CNKSR2: variants seen among roughly 807,000 people sequenced by gnomAD.
The protein encoded by CNKSR2 is connector enhancer of kinase suppressor of Ras 2, also known as CNK homolog protein 2.
CNKSR2 carries 14 observed loss-of-function variants against 84.4 expected under a neutral mutation model. That is an observed-to-expected ratio of 0.17 (90% CI 0.11 to 0.26). The LOEUF (loss-of-function observed/expected upper bound fraction) is 0.26, where lower values mean the gene tolerates loss of function less well. Among genes scored for constraint, CNKSR2 ranks in the 10% least tolerant of loss-of-function variants. The pLI is 1.00. For missense variants in CNKSR2, 485 were observed against 771.2 expected (o/e 0.63, Z 4.40); for synonymous variants, 275 against 277.9 (o/e 0.99, Z 0.10).
chrX:21,630,676 T>C (rs979035124), intron 20 of CNKSR2, among the ~76,000 whole-genome samples: 7 of 107,964 alleles, frequency 6.5e-5, no homozygotes, highest in Non-Finnish European at 1.1e-4. Flanking sequence ...AGCAAAATAT[T>C]TTTCACTATA....
intron 4 of CNKSR2, among the ~76,000 whole-genome samples, chrX:21,455,843 T>C (rs1008647268): frequency 1.8e-5 from 2 of 112,283 alleles, no homozygotes; most frequent in African/African-American, 6.5e-5. Flanking sequence ...TGCATAAATC[T>C]GGTTCTCAGC....
At chrX:21,538,801 C>T (rs760063506) in intron 11 of CNKSR2, 1 of 112,540 alleles carries the variant, frequency 8.9e-6, no homozygotes, top group Non-Finnish European at 1.9e-5. Flanking sequence ...GGCTGAAGAA[C>T]CTGGAGTCTG....
intron 10 of CNKSR2, among the ~76,000 whole-genome samples, chrX:21,528,972 G>A (rs774716307): frequency 2.7e-5 from 3 of 110,652 alleles, no homozygotes; most frequent in African/African-American, 9.8e-5. Flanking sequence ...TACAGCCTTG[G>A]CACTTTTTTC....
At chrX:21,629,142 C>T (rs1463094086) in intron 20 of CNKSR2, among the ~76,000 whole-genome samples, 1 of 112,269 alleles carries the variant, frequency 8.9e-6, no homozygotes, top group Non-Finnish European at 1.9e-5. Flanking sequence ...ATAAGAGTCA[C>T]CTTTGCTCCA....
chrX:21,589,258 G>A (rs776396189), intron 13 of CNKSR2, among the ~76,000 whole-genome samples: 4 of 111,929 alleles, frequency 3.6e-5, no homozygotes, highest in African/African-American at 9.7e-5. Context: ...ATACACATCC[G>A]TAGTACTATG....
intron 1 of CNKSR2, among the ~76,000 whole-genome samples, chrX:21,385,098 T>A (rs2089950045): frequency 9.0e-6 from 1 of 111,535 alleles, no homozygotes. Flanking sequence ...CTTTTAAAAT[T>A]TTTTTCTGAA....
intron 13 of CNKSR2, among the ~76,000 whole-genome samples, chrX:21,564,649 A>G (rs941277922): frequency 8.9e-6 from 1 of 111,861 alleles, no homozygotes. Flanking sequence ...GGCATTCAAA[A>G]TGTGAAAGAT....
chrX:21,514,237 C>T (rs1445000466), intron 8 of CNKSR2, among the ~76,000 whole-genome samples: 1 of 111,504 alleles, frequency 9.0e-6, no homozygotes, highest in East Asian at 2.8e-4. Context: ...GTGCTTTTAT[C>T]CAATCATTTC....
chrX:21,494,049 A>G lies in CNKSR2; in HGVS notation c.681+3471A>G, dbSNP rs184092245. 4 of 111,303 alleles carry G rather than the reference A, an allele frequency of 3.6e-5. 1 individual carries two copies. The East Asian group carries it at 1.1e-3, about 31-fold the overall frequency. The allele number at this position is 111,303 out of a possible 1,213,427, so 9.2% of individuals were successfully genotyped here. A position where few individuals can be genotyped will look rare whatever the true frequency, so the allele number is the denominator to read the frequency against. ...AAATAGCTTTAATATAAATTGTACA[A>G]TGTTGTCATGATGAGATCCTCTTCC... On this transcript the variant is annotated intron_variant, in intron 6 of 21. Transcript: ENST00000379510.
At chrX:21,477,237 T>C (rs1178589834) in intron 5 of CNKSR2, among the ~76,000 whole-genome samples, 1 of 112,288 alleles carries the variant, frequency 8.9e-6, no homozygotes, top group African/African-American at 3.2e-5. Flanking sequence ...GCCAAAGGTA[T>C]GGCCTTGTAT....
chrX:21,608,662 C>T (rs1259532418), intron 19 of CNKSR2, among the ~76,000 whole-genome samples: 8 of 111,375 alleles, frequency 7.2e-5, no homozygotes, highest in Admixed American at 3.8e-4. Context: ...CCAAAAGACT[C>T]TCTCCTAGTC....
At chrX:21,382,970 C>G (rs1317108096) in intron 1 of CNKSR2, among the ~76,000 whole-genome samples, 1 of 112,026 alleles carries the variant, frequency 8.9e-6, no homozygotes, top group African/African-American at 3.2e-5. Flanking sequence ...TTACATGCTG[C>G]TAGATAATCA....
At chrX:21,589,543 C>A (rs769605002) in intron 13 of CNKSR2, among the ~76,000 whole-genome samples, 42 of 112,042 alleles carry the variant, frequency 3.7e-4, no homozygotes, top group South Asian at 7.4e-4. Flanking sequence ...GCTGGCTGAT[C>A]ATGTGAATGT....
At chrX:21,568,713 T>C (rs757369806) in intron 13 of CNKSR2, among the ~76,000 whole-genome samples, 4 of 111,638 alleles carry the variant, frequency 3.6e-5, no homozygotes, top group Non-Finnish European at 7.5e-5. Context: ...TTACAAATAC[T>C]ATCTTATTTA....
intron 20 of CNKSR2, among the ~76,000 whole-genome samples, chrX:21,627,477 C>T (rs775603534): frequency 7.7e-4 from 86 of 111,089 alleles, no homozygotes; most frequent in East Asian, 3.7e-3. Context: ...CCAGCCTGGG[C>T]GACTGAGCAA....
In CNKSR2 at chrX:21,606,879, G is replaced by T. The variant is rs747391941; in HGVS notation, c.2145G>T (p.Ser715=). Residue 715 remains serine (S), a splice_region_variant and synonymous_variant, in exon 19 of 22, where the codon TCG becomes TCT. Coordinates refer to ENST00000379510, the MANE Select transcript of CNKSR2 (RefSeq NM_014927.5). ...ATGATACATACCCACGACCTCCCTC[G>T]GTAAGTTAGCAACAAGAACATTACT... The part of the protein sequence containing the change: ...PPYDTYPRPP[S]MSCASPYVEA... 1 of 1,083,410 alleles carries T rather than the reference G, an allele frequency of 9.2e-7. No individual in the cohort carries two copies. Among genetic ancestry groups the T allele is most frequent in the Non-Finnish European group, 1.3e-6 (1 of 793,470 alleles). The allele number at this position is 1,083,410 out of a possible 1,213,427, so 89.3% of individuals were successfully genotyped here.
chrX:21,584,930 A>T (rs1410793299), intron 13 of CNKSR2, among the ~76,000 whole-genome samples: 1 of 110,424 alleles, frequency 9.1e-6, no homozygotes, highest in East Asian at 2.8e-4. Context: ...TAACCAGATC[A>T]CTCTGGCTCT....
intron 11 of CNKSR2, among the ~76,000 whole-genome samples, chrX:21,544,729 C>G (rs2092006712): frequency 9.0e-6 from 1 of 111,039 alleles, no homozygotes; most frequent in Non-Finnish European, 1.9e-5. Flanking sequence ...TGGGTACAGC[C>G]CGTGGAGGGT....
rs1246380155 is a variant in CNKSR2, at chrX:21,547,493, C to A, written c.1304-13978C>A. On this transcript the variant is annotated intron_variant, in intron 11 of 21. Transcript: ENST00000379510. ...ACAATAATAATGGGAGACTTTAACA[C>A]CCCACTGTCAATATTAGACAGATCA... is the stretch of plus-strand genomic sequence containing the variant. Among the ~76,000 whole-genome samples the A allele has an allele frequency of 2.2e-4, 25 of 111,166 alleles. 1 individual carries two copies. Among genetic ancestry groups the A allele is most frequent in the Admixed American group, 1.1e-3 (12 of 10,457 alleles).
Sources: allele counts gnomAD v4.1 joint callset (sites outside exome capture counted in the v4.1 genomes callset), GRCh38; gene constraint gnomAD v4.1.1; transcripts MANE v1.5; gene names NCBI Gene and HGNC (gene_info 2026-07-23, HGNC 2026-07-21).